The following CD53 variants were observed in gnomAD, a reference collection of about 807,000 sequenced individuals.
CD53 encodes leukocyte surface antigen CD53.
A neutral mutation model predicts 27.3 loss-of-function variants in CD53; 20 were observed. The observed-to-expected ratio is 0.73, with a 90% CI of 0.52 to 1.07. The LOEUF is 1.07. Among genes scored for constraint, CD53 ranks in the 50% least tolerant of loss-of-function variants. The pLI is 0.00. For missense variants in CD53, 216 were observed against 264.0 expected (o/e 0.82, Z 1.26); for synonymous variants, 106 against 105.3 (o/e 1.01, Z -0.04).
chr1:110,882,945 A>T (rs1656415386), intron 1 of CD53, among the ~76,000 whole-genome samples: 1 of 152,034 alleles, frequency 6.6e-6, no homozygotes, highest in Admixed American at 6.5e-5. Context: ...TGTTAGTTCT[A>T]GTAGTATTTT....
intron 3 of CD53, 94 bp downstream of exon 3, chr1:110,892,627 GA>G (rs1430590316): frequency 3.9e-6 from 4 of 1,022,144 alleles, no homozygotes; most frequent in Non-Finnish European, 5.9e-6. Context: ...TATAGGCACA[GA>G]AAGATCATAG....
Position 110,892,384 on chromosome 1 carries a change from C to A in CD53, c.103C>A (p.Leu35Met). ...CATTTTGGGCTTTGGGATCTACCTGCTGATCCACAACAACTTCGGAGTGCT... is the reference window on the plus strand; with the variant it reads ...CATTTTGGGCTTTGGGATCTACCTGATGATCCACAACAACTTCGGAGTGCT... ...CCILGFGIYL[L>M]IHNNFGVLFH... The change falls in exon 3 of 8, where the codon CTG becomes ATG. Residue 35 changes from leucine to methionine, a missense_variant. By Grantham distance (15) the Leu-to-Met change is conservative (BLOSUM62 2). Transcript: ENST00000271324. 1 of 1,613,924 alleles carries A rather than the reference C, an allele frequency of 6.2e-7. No individual in the cohort carries two copies. Among genetic ancestry groups the A allele is most frequent in the Non-Finnish European group, 8.5e-7 (1 of 1,179,764 alleles).
At chr1:110,893,354 C>T (rs897821553) in intron 3 of CD53, among the ~76,000 whole-genome samples, 1 of 152,076 alleles carries the variant, frequency 6.6e-6, no homozygotes, top group Non-Finnish European at 1.5e-5. Context: ...TGGAGTTTCA[C>T]TCTTGTTGCC....
chr1:110,893,596 A>AT (rs1173404984), intron 3 of CD53, among the ~76,000 whole-genome samples: 25 of 152,240 alleles, frequency 1.6e-4, no homozygotes. Context: ...TGTTGGGATT[A>AT]TAGGCGTAAG....
At chr1:110,892,243 C>T (rs1364127607) in intron 2 of CD53, 102 bp from the exon 3 acceptor site, 1 of 866,386 alleles carries the variant, frequency 1.2e-6, no homozygotes, top group African/African-American at 1.7e-5. Context: ...TTGATTGAGC[C>T]AGTTAAAAAT....
At chr1:110,886,846 A>AATATAT (rs1553203678) in intron 1 of CD53, among the ~76,000 whole-genome samples, 9 of 101,012 alleles carry the variant, frequency 8.9e-5, no homozygotes, top group East Asian at 2.7e-4. Flanking sequence ...CTCTGTCTCC[A>AATATAT]ATATATATAT....
chr1:110,881,452 T>A (rs991523628), intron 1 of CD53, among the ~76,000 whole-genome samples: 3 of 152,264 alleles, frequency 2.0e-5, no homozygotes, highest in Non-Finnish European at 4.4e-5. Flanking sequence ...TTTTAATTGC[T>A]AAGTAGTTTC....
intron 3 of CD53, among the ~76,000 whole-genome samples, chr1:110,893,762 A>T (rs1483455856): frequency 1.3e-5 from 2 of 152,258 alleles, no homozygotes; most frequent in African/African-American, 4.8e-5. Context: ...AGTCAAAATT[A>T]ATGTTGGGGT....
Position 110,891,438 on chromosome 1 carries a change from G to T in CD53, c.30G>T (p.Lys10Asn). Residue 10 changes from lysine to asparagine, a missense_variant, in exon 2 of 8, where the codon AAG becomes AAT. By Grantham distance (94) the Lys-to-Asn change is moderately conservative. Transcript: ENST00000271324. MGMSSLKLL[K>N]YVLFFFNLLF... ...GCATGAGTAGCTTGAAACTGCTGAAGTATGTCCTGTTTTTCTTCAACTTGC... is the reference window on the plus strand; with the variant it reads ...GCATGAGTAGCTTGAAACTGCTGAATTATGTCCTGTTTTTCTTCAACTTGC... 6.2e-7 allele frequency: 1 copy of T among 1,614,002 alleles called. No homozygotes were observed. Among genetic ancestry groups the T allele is most frequent in the South Asian group, 1.1e-5 (1 of 91,080 alleles).
At chr1:110,885,232 T>C (rs1656527486) in intron 1 of CD53, among the ~76,000 whole-genome samples, 1 of 152,234 alleles carries the variant, frequency 6.6e-6, no homozygotes, top group Admixed American at 6.5e-5. Context: ...CTGTTACTAT[T>C]TTTGTTTGAA....
intron 1 of CD53, among the ~76,000 whole-genome samples, chr1:110,881,236 C>A (rs952521730): frequency 8.5e-5 from 13 of 152,050 alleles, no homozygotes; most frequent in Middle Eastern, 3.2e-3. Context: ...TTCCCTGCTC[C>A]CTCTCTACTC....
intron 6 of CD53, among the ~76,000 whole-genome samples, chr1:110,897,072 A>G (rs1657098664): frequency 6.6e-6 from 1 of 152,206 alleles, no homozygotes; most frequent in African/African-American, 2.4e-5. Flanking sequence ...TATAGGGTTG[A>G]GATAGAAAAG....
intron 3 of CD53, 119 bp downstream of exon 3, chr1:110,892,652 G>A (rs1163116915): frequency 2.3e-6 from 2 of 861,860 alleles, no homozygotes; most frequent in Non-Finnish European, 3.7e-6. Flanking sequence ...AATGAGATTG[G>A]TACCTCAGAT....
chr1:110,895,038 G>A lies in CD53; in HGVS notation c.406G>A (p.Asp136Asn), dbSNP rs1229561632. The change falls in exon 5 of 8, where the codon GAC becomes AAC. Residue 136 changes from aspartate (D) to asparagine (N), a missense_variant. By Grantham distance (23) the Asp-to-Asn change is conservative. Coordinates refer to ENST00000271324, the MANE Select transcript of CD53 (RefSeq NM_000560.4). ...AGACAATAGCACCAAGGCAGCGTGG[G>A]ACTCCATCCAGTCATTTGTGAGTAC... ...HSDNSTKAAW[D>N]SIQSFLQCCG... 1.2e-6 allele frequency: 2 copies of A among 1,613,206 alleles called. No individual in the cohort carries two copies. Among genetic ancestry groups the A allele is most frequent in the Non-Finnish European group, 1.7e-6 (2 of 1,179,270 alleles).
chr1:110,876,592 G>A (rs1029694259), intron 1 of CD53, among the ~76,000 whole-genome samples: 6 of 152,022 alleles, frequency 3.9e-5, no homozygotes, highest in Non-Finnish European at 7.4e-5. Context: ...ACTTGTTAAA[G>A]TAAATTTGAA....
chr1:110,894,474 A>G, intron 4 of CD53, 73 bp downstream of exon 4: 1 of 1,110,774 alleles, frequency 9.0e-7, no homozygotes, highest in Non-Finnish European at 1.4e-6. Context: ...AGTTGGTACA[A>G]AGTTACAGAA....
intron 1 of CD53, among the ~76,000 whole-genome samples, chr1:110,888,680 A>G (rs1356729349): frequency 6.6e-6 from 1 of 152,262 alleles, no homozygotes; most frequent in Non-Finnish European, 1.5e-5. Context: ...ATAACATTTT[A>G]GTTATCTCAA....
At chr1:110,897,015 A>G (rs374982039) in intron 6 of CD53, among the ~76,000 whole-genome samples, 4 of 152,222 alleles carry the variant, frequency 2.6e-5, no homozygotes, top group Non-Finnish European at 5.9e-5. Context: ...TTGTGTCTAG[A>G]TATTTCTTAA....
Position 110,899,126 on chromosome 1 carries a change from G to T in CD53, c.591G>T (p.Val197=), listed in dbSNP as rs776067142. 1 of 1,613,542 alleles carries T rather than the reference G, an allele frequency of 6.2e-7. No individual in the cohort carries two copies. Among genetic ancestry groups the T allele is most frequent in the South Asian group, 1.1e-5 (1 of 91,064 alleles). Residue 197 remains valine (V), a splice_region_variant and synonymous_variant, in exon 8 of 8, where the codon GTG becomes GTT. Transcript: ENST00000271324. ...AATTTTCCCAACTCTTTTCACAGGT[G>T]TTGGGGATGTCCTTTGCACTGACCC... The part of the protein sequence containing the change: ...IITICVCVIE[V]LGMSFALTLN...
Sources: gnomAD v4.1 joint callset for allele counts (sites outside exome capture counted in the v4.1 genomes callset) on GRCh38, gnomAD v4.1.1 for gene constraint, MANE v1.5 for transcripts, NCBI Gene and HGNC (gene_info 2026-07-23, HGNC 2026-07-21) for gene names.